DLGAP4: variants seen among roughly 807,000 people sequenced by gnomAD.
The protein encoded by DLGAP4 is DLG associated protein 4, also known as disks large-associated protein 4.
A neutral mutation model predicts 86.9 loss-of-function variants in DLGAP4; 18 were observed. The observed-to-expected ratio is 0.21, with a 90% CI of 0.14 to 0.31. DLGAP4 has a LOEUF of 0.31. Among genes scored for constraint, DLGAP4 ranks in the 10% least tolerant of loss-of-function variants. The pLI is 1.00. For missense variants in DLGAP4, 1,085 were observed against 1,362.6 expected (o/e 0.80, Z 3.21); for synonymous variants, 548 against 574.3 (o/e 0.95, Z 0.65).
At position 36,517,247 on chromosome 20, in the gene DLGAP4, G is replaced by A. The variant is rs1375302176; in HGVS notation, c.2513-7003G>A. 4.0e-5 allele frequency among the ~76,000 whole-genome samples: 6 copies of A among 151,862 alleles called. No individual in the cohort carries two copies. In the East Asian group the frequency reaches 9.9e-4, roughly 25 times the overall value. On this transcript the variant is annotated intron_variant, in intron 10 of 12. Transcript: ENST00000339266. Reference sequence around the variant, plus strand: ...TATAAAAATCAGCCAGGCGTGGTGCGGGCGCCTGTAATCCCAGCTACTGGG... The same window carrying A: ...TATAAAAATCAGCCAGGCGTGGTGCAGGCGCCTGTAATCCCAGCTACTGGG...
intron 7 of DLGAP4, among the ~76,000 whole-genome samples, chr20:36,451,068 C>G (rs1052705876): frequency 1.3e-5 from 2 of 152,186 alleles, no homozygotes; most frequent in Non-Finnish European, 2.9e-5. Context: ...TGCTTCCTTC[C>G]TAAAGAAAGT....
intron 10 of DLGAP4, among the ~76,000 whole-genome samples, chr20:36,514,296 G>A (rs922955844): frequency 6.6e-6 from 1 of 152,180 alleles, no homozygotes; most frequent in East Asian, 1.9e-4. Context: ...CTGAGAGGAG[G>A]AGGATTAAGA....
At chr20:36,480,217 C>G (rs767499769) in intron 7 of DLGAP4, among the ~76,000 whole-genome samples, 7 of 152,176 alleles carry the variant, frequency 4.6e-5, no homozygotes, top group Admixed American at 6.5e-5. Context: ...ATCAGCTGAT[C>G]TCCTATTCTG....
intron 3 of DLGAP4, 105 bp from the exon 4 acceptor site, chr20:36,436,004 C>T: frequency 7.1e-7 from 1 of 1,413,434 alleles, no homozygotes; most frequent in Non-Finnish European, 9.2e-7. Context: ...CACGTGAGCC[C>T]GAATTCTGCA....
chr20:36,365,850 T>C (rs2030667233), intron 1 of DLGAP4, among the ~76,000 whole-genome samples: 1 of 152,166 alleles, frequency 6.6e-6, no homozygotes, highest in Non-Finnish European at 1.5e-5. Flanking sequence ...CCCCTAGACC[T>C]GGACCTCTCC....
At chr20:36,463,537 A>T (rs2034197391) in intron 7 of DLGAP4, among the ~76,000 whole-genome samples, 1 of 152,202 alleles carries the variant, frequency 6.6e-6, no homozygotes, top group Admixed American at 6.5e-5. Flanking sequence ...CCAATAGAGC[A>T]GGGAGACGGC....
chr20:36,389,222 G>A (rs942098449), intron 2 of DLGAP4, among the ~76,000 whole-genome samples: 14 of 152,170 alleles, frequency 9.2e-5, no homozygotes, highest in Non-Finnish European at 1.6e-4. Flanking sequence ...GTCAATGTGG[G>A]GGTCATCAGA....
intron 7 of DLGAP4, among the ~76,000 whole-genome samples, chr20:36,467,172 C>A (rs1294193371): frequency 6.6e-6 from 1 of 151,970 alleles, no homozygotes; most frequent in Admixed American, 6.6e-5. Context: ...TATGGTCTGA[C>A]AAGAAGACAA....
chr20:36,441,333 C>T (rs913915153), intron 5 of DLGAP4, among the ~76,000 whole-genome samples: 6 of 152,152 alleles, frequency 3.9e-5, no homozygotes, highest in Non-Finnish European at 4.4e-5. Flanking sequence ...GTTTCCTCTT[C>T]CAGGGGCTCT....
intron 8 of DLGAP4, chr20:36,497,576 C>G: frequency 1.0e-6 from 1 of 988,458 alleles, no homozygotes; most frequent in Non-Finnish European, 1.2e-6. Context: ...GAACTTTGCC[C>G]AGAGCCCTCT....
At chr20:36,453,285 A>C (rs2033788740) in intron 7 of DLGAP4, among the ~76,000 whole-genome samples, 1 of 152,206 alleles carries the variant, frequency 6.6e-6, no homozygotes, top group East Asian at 1.9e-4. Context: ...GTGAGACTCC[A>C]TCTCTACAAA....
intron 10 of DLGAP4, among the ~76,000 whole-genome samples, chr20:36,503,608 C>T (rs1042811179): frequency 2.0e-5 from 3 of 151,900 alleles, no homozygotes; most frequent in Admixed American, 2.0e-4. Flanking sequence ...CTGCCTCAGC[C>T]TCCCCAGTAG....
At chr20:36,456,928 G>T (rs540672626) in intron 7 of DLGAP4, among the ~76,000 whole-genome samples, 1 of 152,238 alleles carries the variant, frequency 6.6e-6, no homozygotes, top group Non-Finnish European at 1.5e-5. Flanking sequence ...AAGCACCTGA[G>T]CCTTGCAATC....
intron 7 of DLGAP4, among the ~76,000 whole-genome samples, chr20:36,457,312 G>A (rs532219223): frequency 1.3e-5 from 2 of 152,014 alleles, no homozygotes; most frequent in East Asian, 1.9e-4. Context: ...TCCGCTTCCC[G>A]GGTTCATGTC....
intron 3 of DLGAP4, among the ~76,000 whole-genome samples, chr20:36,433,637 T>G (rs1187747260): frequency 6.6e-6 from 1 of 151,728 alleles, no homozygotes; most frequent in Non-Finnish European, 1.5e-5. Flanking sequence ...TTGGGAACTC[T>G]GATGAGTATT....
At chr20:36,469,660 G>A (rs1230333305) in intron 7 of DLGAP4, among the ~76,000 whole-genome samples, 2 of 151,886 alleles carry the variant, frequency 1.3e-5, no homozygotes, top group East Asian at 1.9e-4. Flanking sequence ...GGCTGAGGCG[G>A]GAGAATTGCT....
rs2037826462 is a variant in DLGAP4 at position 36,527,247 on chromosome 20, A to T, written c.*216A>T. On this transcript the variant is annotated 3_prime_UTR_variant, in exon 13 of 13. Coordinates refer to ENST00000339266, the MANE Select transcript of DLGAP4 (RefSeq NM_001365621.2). ...TTTTACTCACAAAAAAAATCAACAA[A>T]AATCACGAAACTAGAAAACTTTTTT... 4.2e-6 allele frequency: 2 copies of T among 471,570 alleles called. No homozygotes were observed. Among genetic ancestry groups the T allele is most frequent in the Non-Finnish European group, 7.4e-6 (2 of 271,016 alleles). 29.2% of individuals were successfully genotyped at this position (471,570 alleles called of 1,614,324 possible).
intron 7 of DLGAP4, among the ~76,000 whole-genome samples, chr20:36,455,265 C>A (rs952620059): frequency 5.3e-5 from 8 of 151,736 alleles, no homozygotes; most frequent in African/African-American, 1.9e-4. Context: ...CAGTTCTCTG[C>A]TTCTCCCTCC....
chr20:36,427,135 A>G (rs2032995874), intron 2 of DLGAP4, among the ~76,000 whole-genome samples: 1 of 152,102 alleles, frequency 6.6e-6, no homozygotes. Context: ...GTGAGCTATG[A>G]TCACACCACT....
Sources: gnomAD v4.1 joint callset for allele counts (sites outside exome capture counted in the v4.1 genomes callset) on GRCh38, gnomAD v4.1.1 for gene constraint, MANE v1.5 for transcripts, NCBI Gene and HGNC (gene_info 2026-07-23, HGNC 2026-07-21) for gene names.